Variants in LRP2 observed in about 807,000 individuals in gnomAD.
The protein encoded by LRP2 is LDL receptor related protein 2.
In LRP2, 172 loss-of-function variants were observed where a neutral mutation model predicts 531.0. That is an observed-to-expected ratio of 0.32 (90% confidence interval 0.29 to 0.37). The LOEUF (loss-of-function observed/expected upper bound fraction) is 0.37. LRP2 is among the 10% of genes least tolerant of loss of function. LRP2 has a pLI of 1.00. For synonymous variants in LRP2, 1,992 were observed against 2,027.6 expected (o/e 0.98, Z 0.47); for missense variants, 5,167 against 5,868.3 (o/e 0.88, Z 3.90).
In LRP2 at chr2:169,206,487, A is replaced by T; in HGVS notation, c.7233T>A (p.Pro2411=). The change falls in exon 39 of 79, where the codon CCT becomes CCA. Residue 2411 remains proline, a synonymous_variant. Transcript: ENST00000649046. ...LHLDPENHSP[P]FQTINVERTV... is the part of the protein sequence containing the mutation. ...TTCTTTCCACATTTATTGTTTGGAA[A>T]GGTGGGCTATGGTTTTCAGGGTCCA... The T allele has an allele frequency of 6.2e-7, 1 of 1,614,216 alleles. No individual in the cohort carries two copies. Among genetic ancestry groups the T allele is most frequent in the Non-Finnish European group, 8.5e-7 (1 of 1,180,036 alleles).
intron 16 of LRP2, among the ~76,000 whole-genome samples, chr2:169,260,647 G>A (rs1690507870): frequency 6.6e-6 from 1 of 152,000 alleles, no homozygotes; most frequent in Admixed American, 6.6e-5. Context: ...CCTACAGAAA[G>A]GCTTGCTTGG....
chr2:169,195,483 AT>A (rs1281528949), intron 46 of LRP2, among the ~76,000 whole-genome samples: 1 of 152,172 alleles, frequency 6.6e-6, no homozygotes, highest in African/African-American at 2.4e-5. Flanking sequence ...TGTACATCGT[AT>A]TATTTCTTTA....
At position 169,127,258 on chromosome 2, in the gene LRP2, T is replaced by A. The variant is rs1331; in HGVS notation, c.*1405A>T. The A allele has an allele frequency of 1.3e-5, 2 of 152,406 alleles. No homozygotes were observed. The highest frequency in any genetic ancestry group is 1.3e-4 in the Admixed American group (2 of 15,282). The allele number at this position is 152,406 out of a possible 1,614,324, so 9.4% of individuals were successfully genotyped here. A position where few individuals can be genotyped will look rare whatever the true frequency, so the allele number is the denominator to read the frequency against. ...AAATAATCAGTAGTATATGTTTCATTCATTCATCCATCCATCCATCCATCC... is the reference window on the plus strand; with the variant it reads ...AAATAATCAGTAGTATATGTTTCATACATTCATCCATCCATCCATCCATCC... On this transcript the variant is annotated 3_prime_UTR_variant, in exon 79 of 79. Transcript: ENST00000649046.
chr2:169,148,080 C>T (rs778330447), intron 68 of LRP2, among the ~76,000 whole-genome samples: 8 of 152,216 alleles, frequency 5.3e-5, no homozygotes, highest in South Asian at 2.1e-4. Flanking sequence ...ATTCTACTGA[C>T]GAATGTGTGG....
At chr2:169,293,177 T>C (rs1684044313) in intron 6 of LRP2, among the ~76,000 whole-genome samples, 4 of 152,198 alleles carry the variant, frequency 2.6e-5, no homozygotes, top group Admixed American at 1.3e-4. Flanking sequence ...TCATACATTC[T>C]AGTAAATAAA....
chr2:169,127,963 A>G lies in LRP2; in HGVS notation c.*700T>C, dbSNP rs185485080. 3.9e-5 allele frequency: 6 copies of G among 152,774 alleles called. No homozygotes were observed. Among genetic ancestry groups the G allele is most frequent in the Admixed American group, 1.3e-4 (2 of 15,316 alleles). 9.5% of individuals were successfully genotyped at this position (152,774 alleles called of 1,614,324 possible). ...AATGATATGGGATTTCCTCATAGAC[A>G]TCACAAATAAAAATGTTGTCTTGGC... is the stretch of plus-strand genomic sequence containing the variant. On this transcript the variant is annotated 3_prime_UTR_variant, in exon 79 of 79. Transcript: ENST00000649046.
At chr2:169,129,202 TG>T in intron 77 of LRP2, 118 bp from the exon 78 acceptor site, 1 of 764,550 alleles carries the variant, frequency 1.3e-6, no homozygotes, top group South Asian at 1.5e-5. Flanking sequence ...ATTTGGGACC[TG>T]GGACCATGTG....
chr2:169,178,208 T>C (rs1485010760), intron 52 of LRP2, among the ~76,000 whole-genome samples, 182 bp from the exon 53 acceptor site: 1 of 152,206 alleles, frequency 6.6e-6, no homozygotes, highest in East Asian at 1.9e-4. Context: ...GAATTCAAAT[T>C]GAACAAAAGA....
At chr2:169,194,558 G>A (rs1687939161) in intron 46 of LRP2, among the ~76,000 whole-genome samples, 1 of 152,138 alleles carries the variant, frequency 6.6e-6, no homozygotes, top group Non-Finnish European at 1.5e-5. Flanking sequence ...TTTAACTAAT[G>A]AAGGTGTCAT....
intron 15 of LRP2, chr2:169,271,642 C>CA (rs1287529011): frequency 2.0e-5 from 4 of 201,124 alleles, no homozygotes; most frequent in African/African-American, 1.5e-4. Context: ...CACACACACA[C>CA]ACACACACAC....
chr2:169,257,233 C>T lies in LRP2; in HGVS notation c.2530G>A (p.Asp844Asn), dbSNP rs1478550190. The T allele has an allele frequency of 5.0e-6, 8 of 1,612,574 alleles. No individual in the cohort carries two copies. The Admixed American group carries it at 1.2e-4, about 24-fold the overall frequency. ...ATAATTTTAGCAGGACGGAACCAAT[C>T]AGTGAAGAATAGATACCTAGAAAAA... ...HPFAGYLFFTDWFRPAKIMRA... is the reference protein window; with the variant it reads ...HPFAGYLFFTNWFRPAKIMRA... The change falls in exon 18 of 79, where the codon GAT becomes AAT. Residue 844 changes from aspartate (D) to asparagine (N), a missense_variant. Physicochemically the swap from Asp to Asn is conservative, Grantham distance 23. This residue lies in a region of LRP2 where 2,811 missense variants were observed against 3,058.0 expected (regional missense o/e 0.92). Transcript: ENST00000649046.
intron 3 of LRP2, among the ~76,000 whole-genome samples, chr2:169,312,957 C>T (rs1684656708): frequency 1.3e-5 from 2 of 152,188 alleles, no homozygotes; most frequent in Non-Finnish European, 2.9e-5. Context: ...TTCATTTGAT[C>T]TTCAATCACT....
chr2:169,355,036 T>A (rs1164990473), intron 1 of LRP2, among the ~76,000 whole-genome samples: 14 of 152,216 alleles, frequency 9.2e-5, no homozygotes. Context: ...AATGAAATAC[T>A]GCACCAGACT....
At chr2:169,166,105 G>T in intron 61 of LRP2, 51 bp from the exon 62 acceptor site, 1 of 1,596,488 alleles carries the variant, frequency 6.3e-7, no homozygotes, top group Non-Finnish European at 8.6e-7. Context: ...TAGAATCTAA[G>T]TGTCAATATC....
chr2:169,287,462 T>C (rs1683888232), intron 9 of LRP2, among the ~76,000 whole-genome samples: 1 of 152,150 alleles, frequency 6.6e-6, no homozygotes, highest in African/African-American at 2.4e-5. Flanking sequence ...CTCAAATGGA[T>C]TGCTTTACTG....
chr2:169,292,853 A>ATT (rs1684034774), intron 6 of LRP2, among the ~76,000 whole-genome samples: 2 of 144,982 alleles, frequency 1.4e-5, no homozygotes, highest in Admixed American at 6.9e-5. Flanking sequence ...AAAAAAAAAA[A>ATT]AAAAATTAAA....
chr2:169,360,127 T>C (rs1686105400), intron 1 of LRP2, among the ~76,000 whole-genome samples: 1 of 11,622 alleles, frequency 8.6e-5, no homozygotes, highest in Non-Finnish European at 1.9e-4. Context: ...TCTGTCTCTC[T>C]CAAAAAAAAA....
chr2:169,321,102 G>A (rs987159913), intron 1 of LRP2, among the ~76,000 whole-genome samples: 3 of 152,184 alleles, frequency 2.0e-5, no homozygotes, highest in African/African-American at 7.2e-5. Context: ...TGATTAGTGT[G>A]TATCTTGATG....
intron 3 of LRP2, among the ~76,000 whole-genome samples, chr2:169,311,049 C>CATA: frequency 6.6e-6 from 1 of 152,184 alleles, no homozygotes; most frequent in East Asian, 1.9e-4. Flanking sequence ...GTGGTGATAT[C>CATA]CCCTTTATCA....
Sources: allele counts gnomAD v4.1 joint callset (sites outside exome capture counted in the v4.1 genomes callset), GRCh38; gene constraint gnomAD v4.1.1; regional missense constraint gnomAD v4.1.1; transcripts MANE v1.5; gene names NCBI Gene and HGNC (gene_info 2026-07-23, HGNC 2026-07-21).